The following MAF variants were observed in gnomAD, a reference collection of about 807,000 sequenced individuals.
MAF encodes the protein transcription factor Maf.
In MAF, 10 loss-of-function variants were observed where a neutral mutation model predicts 22.0. That is an observed-to-expected ratio of 0.45 (90% CI 0.28 to 0.77). The LOEUF (loss-of-function observed/expected upper bound fraction) is 0.77. Ranked by LOEUF, MAF falls within the 30% of genes least tolerant of loss-of-function variation. The pLI is 0.12. For synonymous variants in MAF, 337 were observed against 255.8 expected (o/e 1.32, Z -3.03); for missense variants, 544 against 548.4 (o/e 0.99, Z 0.08).
chr16:79,437,142 C>CTGTGTG, the MAF span, among the ~76,000 whole-genome samples: 30 of 39,352 alleles, frequency 7.6e-4, no homozygotes, highest in East Asian at 1.7e-3. Context: ...AGCTCTCTCT[C>CTGTGTG]TCTCTGTGTG....
the MAF span, among the ~76,000 whole-genome samples, chr16:79,280,475 C>G: frequency 1.3e-5 from 2 of 152,224 alleles, no homozygotes; most frequent in African/African-American, 2.4e-5. Flanking sequence ...CCCTGGGATT[C>G]TGCAACAAAA....
chr16:79,265,534 T>C, the MAF span, among the ~76,000 whole-genome samples: 9 of 152,214 alleles, frequency 5.9e-5, no homozygotes, highest in Non-Finnish European at 1.3e-4. Context: ...TTCTGAACCC[T>C]ATATACAGTA....
chr16:79,541,750 G>C, the MAF span, among the ~76,000 whole-genome samples: 1 of 150,746 alleles, frequency 6.6e-6, no homozygotes, highest in Admixed American at 6.6e-5. Context: ...TCCACCTCCG[G>C]GTTCAAGAGA....
chr16:79,290,076 C>G, the MAF span, among the ~76,000 whole-genome samples: 1 of 152,016 alleles, frequency 6.6e-6, no homozygotes, highest in African/African-American at 2.4e-5. Context: ...AGGCACTGGT[C>G]TCTATCTCTT....
the MAF span, among the ~76,000 whole-genome samples, chr16:79,466,572 C>G: frequency 6.6e-6 from 1 of 152,180 alleles, no homozygotes; most frequent in Non-Finnish European, 1.5e-5. Flanking sequence ...CAGGTTGGCA[C>G]CTTCAGCTGC....
At chr16:79,558,030 A>G in the MAF span, among the ~76,000 whole-genome samples, 1 of 151,720 alleles carries the variant, frequency 6.6e-6, no homozygotes, top group Non-Finnish European at 1.5e-5. Context: ...AGCTTCTCTC[A>G]TGCACCTTCA....
At chr16:79,360,144 C>T in the MAF span, among the ~76,000 whole-genome samples, 1 of 152,270 alleles carries the variant, frequency 6.6e-6, no homozygotes, top group South Asian at 2.1e-4. Flanking sequence ...TCATTCTTGT[C>T]TCCATTAGCC....
At chr16:79,218,294 CA>C in the MAF span, among the ~76,000 whole-genome samples, 1 of 149,164 alleles carries the variant, frequency 6.7e-6, no homozygotes. Context: ...ATGGCTACCT[CA>C]TATATCACAT....
At chr16:79,558,964 T>C in the MAF span, among the ~76,000 whole-genome samples, 1 of 152,226 alleles carries the variant, frequency 6.6e-6, no homozygotes, top group African/African-American at 2.4e-5. Flanking sequence ...GGCACATGCA[T>C]TTCTTTTCTG....
chr16:79,374,703 C>T, the MAF span, among the ~76,000 whole-genome samples: 2 of 152,124 alleles, frequency 1.3e-5, no homozygotes, highest in Admixed American at 6.5e-5. Flanking sequence ...AACAGAGTGA[C>T]GGCTCTCATA....
chr16:79,205,625 A>G, the MAF span: 1 of 152,218 alleles, frequency 6.6e-6, no homozygotes, highest in South Asian at 2.1e-4. Flanking sequence ...TTCCTCTTCT[A>G]TAATAAAGGT....
the MAF span, among the ~76,000 whole-genome samples, chr16:79,518,435 A>G: frequency 1.3e-5 from 2 of 152,162 alleles, no homozygotes; most frequent in Non-Finnish European, 2.9e-5. Flanking sequence ...TAGAACTCTC[A>G]TGGGGAATCC....
the MAF span, among the ~76,000 whole-genome samples, chr16:79,218,588 G>A: frequency 6.6e-6 from 1 of 152,254 alleles, no homozygotes; most frequent in East Asian, 1.9e-4. Flanking sequence ...TCAACACAGG[G>A]TGTTCCCACT....
chr16:79,211,918 G>C, the MAF span: 1 of 1,544,704 alleles, frequency 6.5e-7, no homozygotes, highest in Non-Finnish European at 8.7e-7. Flanking sequence ...AAGGAAATAA[G>C]AGCAGTCACA....
downstream of MAF, among the ~76,000 whole-genome samples, chr16:79,589,420 A>G (rs552045971): frequency 1.3e-5 from 2 of 152,324 alleles, no homozygotes; most frequent in African/African-American, 4.8e-5. Context: ...ATTTTTAAAC[A>G]TGCTATCTGG....
the MAF span, among the ~76,000 whole-genome samples, chr16:79,348,508 C>T: frequency 5.9e-5 from 9 of 152,312 alleles, no homozygotes; most frequent in African/African-American, 1.7e-4. Context: ...TAACATCTAT[C>T]TCGCAATATT....
chr16:79,560,352 G>C, the MAF span, among the ~76,000 whole-genome samples: 10 of 151,728 alleles, frequency 6.6e-5, no homozygotes, highest in East Asian at 3.9e-4. Context: ...CCTCCATCTG[G>C]ACATTTCAAA....
the MAF span, among the ~76,000 whole-genome samples, chr16:79,241,586 C>T: frequency 2.0e-5 from 3 of 151,932 alleles, no homozygotes; most frequent in Non-Finnish European, 2.9e-5. Context: ...CTGAAAGTGA[C>T]GGGGAGAATG....
At chr16:79,416,204 G>T in the MAF span, among the ~76,000 whole-genome samples, 1 of 152,144 alleles carries the variant, frequency 6.6e-6, no homozygotes, top group East Asian at 1.9e-4. Flanking sequence ...ACCAGGAGAT[G>T]GCTGAGCTGT....
Sources: gnomAD v4.1 joint callset for allele counts (sites outside exome capture counted in the v4.1 genomes callset) on GRCh38, gnomAD v4.1.1 for gene constraint, MANE v1.5 for transcripts, NCBI Gene and HGNC (gene_info 2026-07-23, HGNC 2026-07-21) for gene names.